DCDC2C: variants seen among roughly 807,000 people sequenced by gnomAD.
The protein encoded by DCDC2C is doublecortin domain containing 2C, also known as doublecortin domain-containing protein 2C.
A neutral mutation model predicts 45.0 loss-of-function variants in DCDC2C; 44 were observed. The observed-to-expected ratio is 0.98, with a 90% CI of 0.77 to 1.26. The LOEUF is 1.26. Among genes scored for constraint, DCDC2C ranks in the 50% most tolerant of loss-of-function variants. The pLI, the probability that DCDC2C is intolerant of heterozygous loss-of-function variation, is 0.00. For synonymous variants in DCDC2C, 187 were observed against 178.8 expected (o/e 1.05, Z -0.37); for missense variants, 447 against 468.9 (o/e 0.95, Z 0.43).
intron 10 of DCDC2C, among the ~76,000 whole-genome samples, chr2:3,827,854 G>T (rs966959994): frequency 3.9e-5 from 6 of 152,118 alleles, no homozygotes; most frequent in South Asian, 2.1e-4. Flanking sequence ...GAACCCATTG[G>T]GCATAACCAA....
At chr2:3,825,166 C>T (rs976027709) in intron 10 of DCDC2C, among the ~76,000 whole-genome samples, 7 of 152,180 alleles carry the variant, frequency 4.6e-5, no homozygotes, top group African/African-American at 1.7e-4. Flanking sequence ...AGCCCCTCAT[C>T]TCTTTTGTGA....
At position 3,752,771 on chromosome 2, in the gene DCDC2C, C is replaced by T. The variant is rs1276207709; in HGVS notation, c.554C>T (p.Thr185Ile). Residue 185 changes from threonine to isoleucine, a missense_variant, in exon 5 of 11, where the codon ACA becomes ATA. Thr to Ile is a moderately conservative substitution (Grantham distance 89). Coordinates refer to ENST00000399143, the MANE Select transcript of DCDC2C (RefSeq NM_001287444.2). ...FPLGGVRKLF[T>I]MNGHLLGDSK... The stretch of plus-strand genomic sequence containing the variant: ...TCTTTCTGTTTTTACAGATTATTTA[C>T]AATGAATGGGCATCTTTTGGGCGAC... The T allele has an allele frequency of 6.5e-7, 1 of 1,550,360 alleles. No homozygotes were observed. Among genetic ancestry groups the T allele is most frequent in the Non-Finnish European group, 8.7e-7 (1 of 1,146,856 alleles).
chr2:3,743,271 G>A (rs1669268749), intron 4 of DCDC2C, among the ~76,000 whole-genome samples: 1 of 152,190 alleles, frequency 6.6e-6, no homozygotes, highest in African/African-American at 2.4e-5. Context: ...AGTATTACCA[G>A]AACTGAAGGG....
chr2:3,790,918 C>A (rs1670791208), intron 10 of DCDC2C, among the ~76,000 whole-genome samples: 1 of 152,072 alleles, frequency 6.6e-6, no homozygotes, highest in Non-Finnish European at 1.5e-5. Context: ...ACCATCCTGG[C>A]TAACATGGCG....
chr2:3,808,180 C>T lies in DCDC2C; in HGVS notation c.1065+23080C>T, dbSNP rs190027793. On this transcript the variant is annotated intron_variant, in intron 10 of 10. Coordinates refer to ENST00000399143, the MANE Select transcript of DCDC2C (RefSeq NM_001287444.2). ...ATGGAAGTTTCAGGTGATCTGCAGC[C>T]TCACCAGCAGCTTTCTTTATCAATT... Among the ~76,000 whole-genome samples, 28 of 152,304 alleles carry T rather than the reference C, an allele frequency of 1.8e-4. No homozygotes were observed. The East Asian group carries it at 5.0e-3, about 27-fold the overall frequency.
intron 4 of DCDC2C, among the ~76,000 whole-genome samples, chr2:3,747,174 TC>T (rs1669393294): frequency 6.6e-6 from 1 of 152,160 alleles, no homozygotes; most frequent in Non-Finnish European, 1.5e-5. Flanking sequence ...ACATGTGTGT[TC>T]CCGTGGCCCA....
chr2:3,755,984 A>G (rs1669703607), intron 6 of DCDC2C, among the ~76,000 whole-genome samples: 1 of 151,696 alleles, frequency 6.6e-6, no homozygotes, highest in Non-Finnish European at 1.5e-5. Context: ...ATACATGGGT[A>G]TTCATATGGA....
At chr2:3,747,060 C>T (rs550993156) in intron 4 of DCDC2C, among the ~76,000 whole-genome samples, 16 of 152,134 alleles carry the variant, frequency 1.1e-4, no homozygotes, top group Admixed American at 2.0e-4. Context: ...AGGGCTGCAG[C>T]GGTTACAGAT....
chr2:3,765,763 A>G (rs1054047466), intron 6 of DCDC2C, among the ~76,000 whole-genome samples: 1 of 152,210 alleles, frequency 6.6e-6, no homozygotes, highest in Non-Finnish European at 1.5e-5. Context: ...TGATGAAAGA[A>G]AAACACAACA....
At chr2:3,760,115 C>T (rs1669839654) in intron 6 of DCDC2C, among the ~76,000 whole-genome samples, 2 of 152,228 alleles carry the variant, frequency 1.3e-5, no homozygotes, top group African/African-American at 4.8e-5. Context: ...CATCAGACTT[C>T]CTTCCAAGGC....
At chr2:3,809,212 A>G (rs947403084) in intron 10 of DCDC2C, among the ~76,000 whole-genome samples, 2 of 152,164 alleles carry the variant, frequency 1.3e-5, no homozygotes, top group African/African-American at 4.8e-5. Flanking sequence ...GTTTTGAGCT[A>G]TTTCAGATCT....
chr2:3,818,887 G>A lies in DCDC2C; in HGVS notation c.1066-28267G>A, dbSNP rs1671620588. 6.6e-6 allele frequency among the ~76,000 whole-genome samples: 1 copy of A among 152,194 alleles called. No homozygotes were observed. The highest frequency in any genetic ancestry group is 2.1e-4 in the South Asian group (1 of 4,830). ...AGTTAAAATGTTTCAGTTAATAAGG[G>A]AACTGGGCAGGTGGGGATAACTAAA... On this transcript the variant is annotated intron_variant, in intron 10 of 10. Transcript: ENST00000399143. The surrounding 1 kb of genome is among the most constrained non-coding windows in gnomAD (Gnocchi z 4.7).
At chr2:3,791,279 A>G (rs1670804081) in intron 10 of DCDC2C, among the ~76,000 whole-genome samples, 1 of 152,246 alleles carries the variant, frequency 6.6e-6, no homozygotes, top group South Asian at 2.1e-4. Context: ...TTGGCATTTT[A>G]TAAGAGGCAG....
At chr2:3,802,064 G>A (rs1002157312) in intron 10 of DCDC2C, among the ~76,000 whole-genome samples, 1 of 152,244 alleles carries the variant, frequency 6.6e-6, no homozygotes, top group Non-Finnish European at 1.5e-5. Flanking sequence ...CCCTAGGAAA[G>A]AGGTCATTTG....
intron 3 of DCDC2C, among the ~76,000 whole-genome samples, chr2:3,735,343 C>T (rs1419624692): frequency 6.6e-6 from 1 of 151,570 alleles, no homozygotes; most frequent in Non-Finnish European, 1.5e-5. Context: ...ATACATGTGC[C>T]ATGTTGGTGT....
intron 9 of DCDC2C, among the ~76,000 whole-genome samples, chr2:3,780,204 G>C (rs1469770211): frequency 6.6e-6 from 1 of 152,134 alleles, no homozygotes; most frequent in Non-Finnish European, 1.5e-5. Flanking sequence ...TTGTCTTAGA[G>C]CATTAGGCTA....
intron 10 of DCDC2C, among the ~76,000 whole-genome samples, chr2:3,828,471 C>T (rs1392449031): frequency 6.6e-6 from 1 of 152,014 alleles, no homozygotes; most frequent in Non-Finnish European, 1.5e-5. Flanking sequence ...TTTCCAAGTG[C>T]CCAGCAACCC....
intron 10 of DCDC2C, among the ~76,000 whole-genome samples, chr2:3,838,214 A>G (rs1271717058): frequency 6.6e-6 from 1 of 151,916 alleles, no homozygotes. Flanking sequence ...AAATGGTGGC[A>G]GGGCTGGTGG....
chr2:3,787,021 C>G (rs1051885146), intron 10 of DCDC2C, among the ~76,000 whole-genome samples: 1 of 152,214 alleles, frequency 6.6e-6, no homozygotes, highest in Non-Finnish European at 1.5e-5. Flanking sequence ...TTTCCCCACT[C>G]TTAACTCCCT....
Sources: gnomAD v4.1 joint callset for allele counts (sites outside exome capture counted in the v4.1 genomes callset) on GRCh38, gnomAD v4.1.1 for gene constraint, Gnocchi (gnomAD v3.1) non-coding constraint, MANE v1.5 for transcripts, NCBI Gene and HGNC (gene_info 2026-07-23, HGNC 2026-07-21) for gene names.